OR4E2: variants seen among roughly 807,000 people sequenced by gnomAD.
OR4E2 encodes the protein olfactory receptor 4E2.
Under a neutral mutation model 11.0 loss-of-function variants are expected in OR4E2, and 9 were observed. The ratio of observed to expected loss-of-function variants is 0.82; its 90% CI spans 0.49 to 1.43. The LOEUF is 1.43. Among genes scored for constraint, OR4E2 ranks in the 40% most tolerant of loss-of-function variants. The pLI is 0.00. For missense variants in OR4E2, 441 were observed against 382.0 expected, an observed-to-expected ratio of 1.15 and a Z score of -1.29; for synonymous variants, 159 against 147.3, an observed-to-expected ratio of 1.08 and a Z score of -0.57.
chr14:21,660,306 C>G (rs796436788), intron 2 of OR4E2, among the ~76,000 whole-genome samples: 4 of 152,320 alleles, frequency 2.6e-5, no homozygotes, highest in African/African-American at 9.6e-5. Context: ...AAGCACTCAC[C>G]TCCTGCTGTG....
In OR4E2 at chr14:21,665,974, A is replaced by G; in HGVS notation, c.892A>G (p.Met298Val). The change falls in exon 4 of 4, where the codon ATG becomes GTG. Residue 298 changes from methionine to valine, a missense_variant. Coordinates refer to ENST00000641524, the MANE Select transcript of OR4E2 (RefSeq NM_001001912.3). ...GAGGAATGAGGAGGTAAAAAGTGCC[A>G]TGAAGCAGCTCAGGCAGAGACAAGT... ...TLRNEEVKSA[M>V]KQLRQRQVFF... The G allele has an allele frequency of 1.2e-6, 2 of 1,614,128 alleles. No homozygotes were observed. The highest frequency in any genetic ancestry group is 1.1e-5 in the South Asian group (1 of 91,074).
rs764448584 is a variant in OR4E2 at position 21,665,531 on chromosome 14, TG to T, written c.455del (p.Gly152ValfsTer6). ...VCIQLVFALW[L>X]GGTVHSLGQT... ...ATACAGCTTGTCTTTGCTCTCTGGT[TG>T]GGGGGTACTGTTCACTCACTAGGGC... On this transcript the variant is annotated frameshift_variant, in exon 4 of 4. Transcript: ENST00000641524. LOFTEE classifies it high-confidence loss of function. 6.2e-7 allele frequency: 1 copy of T among 1,614,096 alleles called. No homozygotes were observed. The highest frequency in any genetic ancestry group is 8.5e-7 in the Non-Finnish European group (1 of 1,180,008).
chr14:21,657,481 TTCCTTCCTTCCTTCC>T (rs1880058041), intron 2 of OR4E2, among the ~76,000 whole-genome samples: 2 of 119,036 alleles, frequency 1.7e-5, no homozygotes, highest in African/African-American at 6.1e-5. Context: ...CCTTCCTTCC[TTCCTTCCTTCCTTCC>T]TTCCTTCCTT....
At position 21,665,866 on chromosome 14, in the gene OR4E2, G is replaced by C. The variant is rs1880619334; in HGVS notation, c.784G>C (p.Asp262His). ...ATGTATCTTCATCTATACTCGGCCA[G>C]ACACCAGCTTCTCCATTGACAAGGT... The part of the protein sequence containing the change: ...GPCIFIYTRP[D>H]TSFSIDKVVS... The change falls in exon 4 of 4, where the codon GAC becomes CAC. Residue 262 changes from aspartate to histidine, a missense_variant. Transcript: ENST00000641524. 6.2e-7 allele frequency: 1 copy of C among 1,609,380 alleles called. No individual in the cohort carries two copies. Among genetic ancestry groups the C allele is most frequent in the African/African-American group, 1.3e-5 (1 of 74,678 alleles).
At chr14:21,664,329 G>A (rs181083539) in intron 3 of OR4E2, among the ~76,000 whole-genome samples, 3 of 152,016 alleles carry the variant, frequency 2.0e-5, no homozygotes, top group Admixed American at 1.3e-4. Context: ...TTTGATTTGC[G>A]TTTCTCTAAT....
chr14:21,654,384 G>GCA (rs576052092), intron 1 of OR4E2, among the ~76,000 whole-genome samples: 12 of 148,238 alleles, frequency 8.1e-5, no homozygotes, highest in South Asian at 2.1e-4. Context: ...ACACACGCAT[G>GCA]CACACACACA....
chr14:21,655,219 G>A (rs764252261), intron 1 of OR4E2, among the ~76,000 whole-genome samples: 5 of 152,198 alleles, frequency 3.3e-5, no homozygotes, highest in Non-Finnish European at 7.3e-5. Flanking sequence ...TAATATATGA[G>A]TTGGCTAAAG....
At position 21,667,294 on chromosome 14, in the gene OR4E2, A is replaced by T. The variant is rs7149624; in HGVS notation, c.*1270A>T. The T allele has an allele frequency of 2.0e-5, 3 of 152,056 alleles. No homozygotes were observed. The highest frequency in any genetic ancestry group is 4.4e-5 in the Non-Finnish European group (3 of 67,998). The allele number at this position is 152,056 out of a possible 1,614,324, so 9.4% of individuals were successfully genotyped here. A position where few individuals can be genotyped will look rare whatever the true frequency, so the allele number is the denominator to read the frequency against. Reference sequence around the variant, plus strand: ...TGTCAACTTATAGAAATAATACTTGAGTATTCTGGAGAACTGGAGAGCAGA... The same window carrying T: ...TGTCAACTTATAGAAATAATACTTGTGTATTCTGGAGAACTGGAGAGCAGA... On this transcript the variant is annotated 3_prime_UTR_variant, in exon 4 of 4. Coordinates refer to ENST00000641524, the MANE Select transcript of OR4E2 (RefSeq NM_001001912.3).
intron 2 of OR4E2, among the ~76,000 whole-genome samples, chr14:21,657,194 T>G (rs1238206655): frequency 6.6e-6 from 1 of 152,232 alleles, no homozygotes; most frequent in Non-Finnish European, 1.5e-5. Context: ...AGATTAGTTT[T>G]GGGCTGTTCT....
At chr14:21,657,517 TTTTCTTTCTTTC>T (rs71115514) in intron 2 of OR4E2, among the ~76,000 whole-genome samples, 7 of 120,282 alleles carry the variant, frequency 5.8e-5, no homozygotes, top group Middle Eastern at 8.3e-3. Flanking sequence ...CTTTCTTTGT[TTTTCTTTCTTTC>T]TTTCTTTCTT....
rs531804534 is a variant in OR4E2, at chr14:21,667,183, A to C, written c.*1159A>C. ...GAAATGAAATATGGTTAATAATAAA[A>C]ATATTAAGTATAAATATGTTTCTTT... is the stretch of plus-strand genomic sequence containing the variant. On this transcript the variant is annotated 3_prime_UTR_variant, in exon 4 of 4. Transcript: ENST00000641524. The C allele has an allele frequency of 3.9e-5, 6 of 152,302 alleles. No homozygotes were observed. The South Asian group carries it at 1.0e-3, about 26-fold the overall frequency. 9.4% of individuals were successfully genotyped at this position (152,302 alleles called of 1,614,324 possible).
At chr14:21,664,412 T>C (rs1880510200) in intron 3 of OR4E2, among the ~76,000 whole-genome samples, 1 of 152,228 alleles carries the variant, frequency 6.6e-6, no homozygotes, top group Non-Finnish European at 1.5e-5. Flanking sequence ...TGTCTGTTCA[T>C]GTTCTTTGCC....
chr14:21,660,311 G>C (rs1880247755), intron 2 of OR4E2, among the ~76,000 whole-genome samples: 1 of 152,244 alleles, frequency 6.6e-6, no homozygotes, highest in Admixed American at 6.5e-5. Context: ...CTCACCTCCT[G>C]CTGTGCAGCC....
At chr14:21,657,408 T>TTC (rs71115512) in intron 2 of OR4E2, among the ~76,000 whole-genome samples, 1,419 of 141,464 alleles carry the variant, frequency 0.01, 22 homozygotes, top group Non-Finnish European at 0.014. Flanking sequence ...CTTCCTTCCT[T>TTC]TCTTTCTTTC....
In OR4E2 at chr14:21,665,441, A is replaced by G. The variant is rs371349263; in HGVS notation, c.359A>G (p.Tyr120Cys). ...AEIFLLIIMA[Y>C]DRYVAICTPL... ...ATCTTTCTGCTGATCATTATGGCGT[A>G]TGATCGTTACGTGGCTATCTGCACT... Residue 120 changes from tyrosine to cysteine, a missense_variant, in exon 4 of 4, where the codon TAT becomes TGT. Coordinates refer to ENST00000641524, the MANE Select transcript of OR4E2 (RefSeq NM_001001912.3). The G allele has an allele frequency of 2.2e-5, 35 of 1,613,952 alleles. No homozygotes were observed. The highest frequency in any genetic ancestry group is 2.8e-5 in the Non-Finnish European group (33 of 1,180,002).
chr14:21,659,689 ATATAT>A (rs1330120892), intron 2 of OR4E2, among the ~76,000 whole-genome samples: 1 of 152,240 alleles, frequency 6.6e-6, no homozygotes, highest in Non-Finnish European at 1.5e-5. Context: ...TAACGGAATA[ATATAT>A]TAGAGAAGTT....
At chr14:21,656,890 G>T (rs1264072724) in intron 2 of OR4E2, among the ~76,000 whole-genome samples, 10 of 152,136 alleles carry the variant, frequency 6.6e-5, no homozygotes, top group African/African-American at 2.4e-4. Context: ...GTTACGACTT[G>T]TCACCTTTAG....
Position 21,665,952 on chromosome 14 carries a change from G to T in OR4E2, c.870G>T (p.Arg290Ser). 4 of 1,614,010 alleles carry T rather than the reference G, an allele frequency of 2.5e-6. No homozygotes were observed. Among genetic ancestry groups the T allele is most frequent in the Non-Finnish European group, 3.4e-6 (4 of 1,180,000 alleles). The change falls in exon 4 of 4, where the codon AGG (arginine) becomes AGT (serine). Residue 290 changes from arginine to serine, a missense_variant. Transcript: ENST00000641524. Reference protein sequence around the residue: ...PLLNPFIYTLRNEEVKSAMKQ... With the variant: ...PLLNPFIYTLSNEEVKSAMKQ... ...TGAATCCCTTCATTTACACCTTGAG[G>T]AATGAGGAGGTAAAAAGTGCCATGA... is the stretch of plus-strand genomic sequence containing the variant.
chr14:21,665,190 G>A lies in OR4E2; in HGVS notation c.108G>A (p.Met36Ile), dbSNP rs1325945554. Residue 36 changes from methionine (M) to isoleucine (I), a missense_variant, in exon 4 of 4, where the codon ATG becomes ATA. Transcript: ENST00000641524. ...LFFMAFSAIY[M>I]LTLSGNILII... ...TCATGGCATTCTCAGCCATTTATAT[G>A]CTAACGCTTTCGGGGAACATTCTCA... The A allele has an allele frequency of 3.7e-6, 6 of 1,613,606 alleles. No individual in the cohort carries two copies. The Admixed American group carries it at 5.0e-5, about 13-fold the overall frequency.
Sources: gnomAD v4.1 joint callset for allele counts (sites outside exome capture counted in the v4.1 genomes callset) on GRCh38, gnomAD v4.1.1 for gene constraint, MANE v1.5 for transcripts, NCBI Gene and HGNC (gene_info 2026-07-23, HGNC 2026-07-21) for gene names.